The following ZFX variants were observed in gnomAD, a reference collection of about 807,000 sequenced individuals.
ZFX encodes zinc finger X-chromosomal protein.
For missense variants in ZFX, 362 were observed against 628.3 expected (o/e 0.58, Z 4.53); for synonymous variants, 196 against 226.8 (o/e 0.86, Z 1.22).
intron 3 of ZFX, among the ~76,000 whole-genome samples, chrX:24,171,125 A>T (rs1934560619): frequency 8.9e-6 from 1 of 111,763 alleles, no homozygotes; most frequent in African/African-American, 3.3e-5. Flanking sequence ...TAAGTAAGAC[A>T]TATATAAATA....
At chrX:24,191,883 A>G (rs1936554892) in intron 5 of ZFX, among the ~76,000 whole-genome samples, 1 of 110,490 alleles carries the variant, frequency 9.1e-6, no homozygotes, top group Admixed American at 9.7e-5. Flanking sequence ...TATTTTTAGT[A>G]GAGATGGGGG....
At chrX:24,203,409 G>C (rs1001983312) in intron 5 of ZFX, among the ~76,000 whole-genome samples, 5 of 112,447 alleles carry the variant, frequency 4.4e-5, no homozygotes, top group African/African-American at 1.3e-4. Context: ...TCCCAGTCCT[G>C]CAGCAGATGT....
At chrX:24,207,987 TTTTA>T in intron 7 of ZFX, 132 bp downstream of exon 7, 6 of 921,839 alleles carry the variant, frequency 6.5e-6, no homozygotes, top group Non-Finnish European at 6.0e-6. Flanking sequence ...TCTTTGACTC[TTTTA>T]TATATGCTTA....
At chrX:24,166,114 T>C (rs1370190245) in intron 3 of ZFX, among the ~76,000 whole-genome samples, 1 of 112,545 alleles carries the variant, frequency 8.9e-6, no homozygotes, top group Non-Finnish European at 1.9e-5. Flanking sequence ...TGTTTGTAGC[T>C]CATTGGTACA....
At chrX:24,161,492 A>T (rs1028668761) in intron 3 of ZFX, among the ~76,000 whole-genome samples, 11 of 111,502 alleles carry the variant, frequency 9.9e-5, no homozygotes, top group African/African-American at 3.6e-4. Flanking sequence ...ATCAACACTT[A>T]TTATAAAGCT....
intron 3 of ZFX, among the ~76,000 whole-genome samples, chrX:24,166,684 A>T (rs750368827): frequency 9.0e-6 from 1 of 111,695 alleles, no homozygotes; most frequent in South Asian, 3.7e-4. Flanking sequence ...ATAAAAATGC[A>T]TAATGACTTC....
upstream of ZFX, chrX:24,149,594 C>A (rs1428641837): frequency 9.0e-6 from 1 of 110,838 alleles, no homozygotes; most frequent in Non-Finnish European, 1.9e-5. Context: ...CCGCATTTTC[C>A]TGGGTCTCTC....
intron 3 of ZFX, among the ~76,000 whole-genome samples, chrX:24,165,106 A>G (rs1933869989): frequency 9.9e-6 from 1 of 101,004 alleles, no homozygotes. Flanking sequence ...CTAATACAGT[A>G]TCAGAAAAAT....
chrX:24,191,265 C>T (rs2238930), intron 5 of ZFX, among the ~76,000 whole-genome samples: 1 of 111,580 alleles, frequency 9.0e-6, no homozygotes, highest in Non-Finnish European at 1.9e-5. Flanking sequence ...TTTAATTCCT[C>T]GTCTACGGAA....
In ZFX at chrX:24,179,682, C is replaced by T; in HGVS notation, c.558C>T (p.Ala186=). Reference sequence around the variant, plus strand: ...AAGAAGTATTGGTAGCAGACTGTGCCTCTGAAGCAGTCATAGATGCCAATG... The same window carrying T: ...AAGAAGTATTGGTAGCAGACTGTGCTTCTGAAGCAGTCATAGATGCCAATG... ...VSEEVLVADC[A]SEAVIDANGI... The change falls in exon 5 of 10, where the codon GCC becomes GCT. Residue 186 remains alanine, a synonymous_variant. Transcript: ENST00000304543. The T allele has an allele frequency of 8.3e-7, 1 of 1,211,533 alleles. No individual in the cohort carries two copies.
intron 3 of ZFX, chrX:24,161,688 CTTTCT>C (rs1460949425): frequency 1.2e-5 from 1 of 83,897 alleles, no homozygotes. Flanking sequence ...TTTTCTTTTT[CTTTCT>C]TTTTTTTTTT....
chrX:24,157,237 T>A (rs759984862), intron 3 of ZFX, among the ~76,000 whole-genome samples: 126 of 112,404 alleles, frequency 1.1e-3, no homozygotes, highest in Non-Finnish European at 1.9e-3. Flanking sequence ...ATTTTTGTTG[T>A]CATTGTGAAT....
chrX:24,203,365 G>A (rs891858839), intron 5 of ZFX, among the ~76,000 whole-genome samples: 5 of 112,035 alleles, frequency 4.5e-5, no homozygotes, highest in East Asian at 5.6e-4. Context: ...GCAAAAACGG[G>A]CACCTGACTT....
At chrX:24,196,811 G>A (rs184399343) in intron 5 of ZFX, among the ~76,000 whole-genome samples, 1 of 111,472 alleles carries the variant, frequency 9.0e-6, no homozygotes, top group Non-Finnish European at 1.9e-5. Context: ...GTCCAGGCTG[G>A]TCTCAAACTT....
intron 1 of ZFX, among the ~76,000 whole-genome samples, chrX:24,151,120 G>C (rs971798086): frequency 8.9e-6 from 1 of 112,238 alleles, no homozygotes; most frequent in Non-Finnish European, 1.9e-5. Context: ...ATCCCCTAAC[G>C]TACTTTTTTG....
intron 5 of ZFX, among the ~76,000 whole-genome samples, chrX:24,202,671 A>G (rs759848952): frequency 8.9e-5 from 10 of 111,874 alleles, no homozygotes; most frequent in African/African-American, 2.6e-4. Context: ...GGCATTCCCC[A>G]GGACTCTGTC....
At chrX:24,163,831 TAAAAAAAAGAA>T (rs1417139191) in intron 3 of ZFX, among the ~76,000 whole-genome samples, 3 of 65,309 alleles carry the variant, frequency 4.6e-5, no homozygotes, top group Admixed American at 1.8e-4. Flanking sequence ...CCCCCTCTTT[TAAAAAAAAGAA>T]AAAAAAAAAA....
At chrX:24,162,410 T>C (rs897675767) in intron 3 of ZFX, among the ~76,000 whole-genome samples, 20 of 112,401 alleles carry the variant, frequency 1.8e-4, no homozygotes, top group African/African-American at 5.5e-4. Flanking sequence ...TTCCTAGATA[T>C]AGCATATGCA....
intron 3 of ZFX, among the ~76,000 whole-genome samples, chrX:24,155,590 A>C (rs1932743726): frequency 8.9e-6 from 1 of 112,355 alleles, no homozygotes; most frequent in Non-Finnish European, 1.9e-5. Context: ...TCTGTGCATT[A>C]TCAACTTTAC....
Sources: gnomAD v4.1 joint callset for allele counts (sites outside exome capture counted in the v4.1 genomes callset) on GRCh38, gnomAD v4.1.1 for gene constraint, MANE v1.5 for transcripts, NCBI Gene and HGNC (gene_info 2026-07-23, HGNC 2026-07-21) for gene names.